Variants in NKAIN2 observed in about 807,000 individuals in gnomAD.
NKAIN2 encodes the protein sodium/potassium transporting ATPase interacting 2.
NKAIN2 carries 14 observed loss-of-function variants against 32.6 expected under a neutral mutation model. The ratio of observed to expected loss-of-function variants is 0.43; its 90% CI spans 0.28 to 0.67. NKAIN2 has a LOEUF of 0.67. NKAIN2 is among the 30% of genes least tolerant of loss of function. NKAIN2 has a pLI of 0.17. For synonymous variants in NKAIN2, 80 were observed against 87.2 expected (o/e 0.92, Z 0.46); for missense variants, 198 against 258.3 (o/e 0.77, Z 1.60).
chr6:124,622,285 G>A (rs1382638257), intron 3 of NKAIN2, among the ~76,000 whole-genome samples: 2 of 152,164 alleles, frequency 1.3e-5, no homozygotes, highest in East Asian at 1.9e-4. Flanking sequence ...ACTGGATGCA[G>A]ACCCTATGTG....
At chr6:124,145,074 C>G (rs528486311) in intron 1 of NKAIN2, among the ~76,000 whole-genome samples, 1 of 152,254 alleles carries the variant, frequency 6.6e-6, no homozygotes, top group South Asian at 2.1e-4. Context: ...ATACTATAAT[C>G]AGATATCACT....
At chr6:123,967,647 A>T (rs994592688) in intron 1 of NKAIN2, among the ~76,000 whole-genome samples, 1 of 152,138 alleles carries the variant, frequency 6.6e-6, no homozygotes, top group Non-Finnish European at 1.5e-5. Flanking sequence ...AGCCAATGTA[A>T]CATCACCCAA....
chr6:124,066,193 A>G (rs576212181), intron 1 of NKAIN2, among the ~76,000 whole-genome samples: 2 of 152,308 alleles, frequency 1.3e-5, no homozygotes, highest in African/African-American at 2.4e-5. Context: ...AGAATTATGT[A>G]TAAGGGTTAA....
At chr6:124,628,879 A>G (rs188337350) in intron 3 of NKAIN2, among the ~76,000 whole-genome samples, 1 of 152,314 alleles carries the variant, frequency 6.6e-6, no homozygotes, top group Non-Finnish European at 1.5e-5. Flanking sequence ...AAATAGCTGT[A>G]CAAATATTAC....
intron 1 of NKAIN2, among the ~76,000 whole-genome samples, chr6:124,055,224 T>C (rs1316438582): frequency 6.6e-6 from 1 of 152,074 alleles, no homozygotes; most frequent in African/African-American, 2.4e-5. Flanking sequence ...TAAATACCAC[T>C]GCATTTAGTT....
chr6:124,227,482 T>G (rs1263979747), intron 1 of NKAIN2, among the ~76,000 whole-genome samples: 1 of 152,206 alleles, frequency 6.6e-6, no homozygotes. Flanking sequence ...TAATCTGTTT[T>G]TTATTGTAGA....
At chr6:124,054,412 G>A (rs985449358) in intron 1 of NKAIN2, among the ~76,000 whole-genome samples, 1 of 151,970 alleles carries the variant, frequency 6.6e-6, no homozygotes, top group Non-Finnish European at 1.5e-5. Context: ...TGGACCAAGG[G>A]CCTAAGCAAA....
chr6:124,152,604 G>C (rs575836331), intron 1 of NKAIN2, among the ~76,000 whole-genome samples: 2 of 152,014 alleles, frequency 1.3e-5, no homozygotes, highest in African/African-American at 4.8e-5. Context: ...ACAATATGGA[G>C]GTTCTTCAAA....
At chr6:124,541,630 A>G (rs1278844892) in intron 3 of NKAIN2, among the ~76,000 whole-genome samples, 1 of 152,208 alleles carries the variant, frequency 6.6e-6, no homozygotes, top group African/African-American at 2.4e-5. Context: ...TTACACAATT[A>G]GAAGCATCCT....
rs563651478 is a variant in NKAIN2, at chr6:124,628,688, G to A, written c.274-29498G>A. Reference sequence around the variant, plus strand: ...CCCAAATTCAGCATTCCTCAAAAGTGGGAAATAGATATGCTGGGTCCTTGA... The same window carrying A: ...CCCAAATTCAGCATTCCTCAAAAGTAGGAAATAGATATGCTGGGTCCTTGA... On this transcript the variant is annotated intron_variant, in intron 3 of 6. Transcript: ENST00000368417. 4.6e-5 allele frequency among the ~76,000 whole-genome samples: 7 copies of A among 151,866 alleles called. No homozygotes were observed. In the South Asian group the frequency reaches 6.3e-4, roughly 14 times the overall value.
chr6:124,484,713 G>C (rs1157368124), intron 3 of NKAIN2, among the ~76,000 whole-genome samples: 1 of 152,062 alleles, frequency 6.6e-6, no homozygotes, highest in African/African-American at 2.4e-5. Flanking sequence ...AAGCCCTCCA[G>C]GACATGGTTT....
chr6:124,039,630 A>G (rs1781774523), intron 1 of NKAIN2, among the ~76,000 whole-genome samples: 1 of 151,890 alleles, frequency 6.6e-6, no homozygotes, highest in Admixed American at 6.6e-5. Flanking sequence ...ATTTAATTTT[A>G]ACAATAGGCA....
intron 3 of NKAIN2, among the ~76,000 whole-genome samples, chr6:124,366,839 G>A (rs529703563): frequency 6.6e-6 from 1 of 151,172 alleles, no homozygotes; most frequent in East Asian, 2.0e-4. Context: ...GAGGTGGGAG[G>A]ATCACTTAAG....
chr6:123,824,619 CA>C (rs565890967), intron 1 of NKAIN2, among the ~76,000 whole-genome samples: 30 of 151,802 alleles, frequency 2.0e-4, no homozygotes, highest in African/African-American at 6.5e-4. Context: ...CTAATGCATG[CA>C]GGGCTTAAAA....
intron 2 of NKAIN2, among the ~76,000 whole-genome samples, chr6:124,342,416 A>C (rs904117043): frequency 1.2e-4 from 18 of 145,848 alleles, no homozygotes; most frequent in Non-Finnish European, 2.2e-4. Context: ...CTCAAAAAAA[A>C]AAAAAACAAA....
intron 3 of NKAIN2, among the ~76,000 whole-genome samples, chr6:124,538,961 G>T (rs1422134417): frequency 6.6e-6 from 1 of 151,984 alleles, no homozygotes; most frequent in East Asian, 1.9e-4. Flanking sequence ...TTAATGGAAA[G>T]TATTCCTTCA....
intron 1 of NKAIN2, among the ~76,000 whole-genome samples, chr6:124,152,889 A>G (rs1445597472): frequency 6.6e-6 from 1 of 151,946 alleles, no homozygotes; most frequent in Non-Finnish European, 1.5e-5. Context: ...GTTAAGTGAA[A>G]TAAACTAAGC....
chr6:124,317,119 A>G (rs1395748174), intron 2 of NKAIN2, among the ~76,000 whole-genome samples: 2 of 149,098 alleles, frequency 1.3e-5, no homozygotes, highest in Non-Finnish European at 3.0e-5. Flanking sequence ...GCAACATAAC[A>G]TCTCTTTAAA....
At chr6:124,419,922 T>C (rs1774671185) in intron 3 of NKAIN2, among the ~76,000 whole-genome samples, 1 of 151,982 alleles carries the variant, frequency 6.6e-6, no homozygotes, top group Admixed American at 6.6e-5. Context: ...ACACTGTCTG[T>C]CTTGTCAGCA....
Sources: allele counts gnomAD v4.1 joint callset (sites outside exome capture counted in the v4.1 genomes callset), GRCh38; gene constraint gnomAD v4.1.1; transcripts MANE v1.5; gene names NCBI Gene and HGNC (gene_info 2026-07-23, HGNC 2026-07-21).